TCF25: variants seen among roughly 807,000 people sequenced by gnomAD.
The protein encoded by TCF25 is TCF25 ribosome quality control complex subunit.
A neutral mutation model predicts 83.1 loss-of-function variants in TCF25; 41 were observed. The observed-to-expected ratio is 0.49, with a 90% CI of 0.38 to 0.64. The LOEUF is 0.64. Ranked by LOEUF, TCF25 falls within the 30% of genes least tolerant of loss-of-function variation. The probability of loss-of-function intolerance (pLI) is 0.00; values close to 1 mark genes in which losing one functional copy is unlikely to be tolerated. For synonymous variants in TCF25, 458 were observed against 365.0 expected (o/e 1.25, Z -2.90); for missense variants, 979 against 914.5 (o/e 1.07, Z -0.91).
At chr16:89,894,860 G>C (rs1241403293) in intron 7 of TCF25, 178 bp from the exon 8 acceptor site, 1 of 507,350 alleles carries the variant, frequency 2.0e-6, no homozygotes, top group African/African-American at 1.9e-5. Context: ...GGCCAGGCTG[G>C]TCTTGAACTC....
chr16:89,890,122 G>A (rs561855333), intron 5 of TCF25: 10 of 151,482 alleles, frequency 6.6e-5, no homozygotes, highest in South Asian at 2.1e-4. Flanking sequence ...CGCCAGTCTC[G>A]GCCTCCCAAA....
At chr16:89,875,623 C>T (rs1047136449) in intron 1 of TCF25, among the ~76,000 whole-genome samples, 71 of 147,976 alleles carry the variant, frequency 4.8e-4, no homozygotes, top group Admixed American at 7.6e-4. Context: ...CCTGGGTTCA[C>T]GCCATTCTCC....
chr16:89,910,481 C>G (rs1371797500), intron 16 of TCF25, 110 bp from the exon 17 acceptor site: 1 of 1,105,132 alleles, frequency 9.0e-7, no homozygotes, highest in Admixed American at 1.8e-5. Context: ...CCCTGGCGGC[C>G]CCTCCGTGTC....
intron 16 of TCF25, chr16:89,909,153 A>G: frequency 7.8e-7 from 1 of 1,280,240 alleles, no homozygotes; most frequent in Non-Finnish European, 1.0e-6. Flanking sequence ...GAATGTAGAA[A>G]TAAACATAAA....
chr16:89,887,514 T>C lies in TCF25; in HGVS notation c.549-138T>C, dbSNP rs1597305039. 2.2e-5 allele frequency: 16 copies of C among 714,960 alleles called. No individual in the cohort carries two copies. In the East Asian group the frequency reaches 5.9e-4, roughly 27 times the overall value. 44.3% of individuals were successfully genotyped at this position (714,960 alleles called of 1,614,324 possible). ...CTCAGCTGTGGTTGGGGTGGTGATT[T>C]TAGAGAAAGGCCTGGAAGCTGCCTT... On this transcript the variant is annotated intron_variant, in intron 4 of 17. Coordinates refer to ENST00000263346, the MANE Select transcript of TCF25 (RefSeq NM_014972.3).
At chr16:89,887,211 C>T (rs2043082203) in intron 4 of TCF25, among the ~76,000 whole-genome samples, 1 of 151,968 alleles carries the variant, frequency 6.6e-6, no homozygotes, top group South Asian at 2.1e-4. Flanking sequence ...AAAGTTCCTC[C>T]TTACCCTGTC....
chr16:89,910,184 G>C (rs1053639735), intron 16 of TCF25: 2 of 203,050 alleles, frequency 9.8e-6, no homozygotes, highest in Non-Finnish European at 2.0e-5. Context: ...GTAGCCCTTC[G>C]CACCGTGAGG....
At position 89,894,077 on chromosome 16, in the gene TCF25, C is replaced by T. The variant is rs551025982; in HGVS notation, c.828+219C>T. Among the ~76,000 whole-genome samples, 4 of 152,288 alleles carry T rather than the reference C, an allele frequency of 2.6e-5. No homozygotes were observed. In the East Asian group the frequency reaches 7.7e-4, roughly 29 times the overall value. ...GCTCCATCCATACTCAGAGGAGAGG[C>T]TGGAGCGCTGCTCTCTCAGCCGTTC... On this transcript the variant is annotated intron_variant, in intron 7 of 17. Transcript: ENST00000263346.
rs777453054 is a variant in TCF25, at chr16:89,883,375, G to C, written c.217G>C (p.Asp73His). The C allele has an allele frequency of 3.2e-5, 52 of 1,614,066 alleles. No homozygotes were observed. The East Asian group carries it at 1.2e-3, about 36-fold the overall frequency. ...GATAAACATTGACGATCTTGAGGAT[G>C]ACCCTGTGGTGAACGGGGAGAGGTC... The part of the protein sequence containing the change: ...ELINIDDLED[D>H]PVVNGERSGC... Residue 73 changes from aspartate to histidine, a missense_variant, in exon 2 of 18, where the codon GAC becomes CAC. Transcript: ENST00000263346.
chr16:89,883,450 C>T lies in TCF25; in HGVS notation c.292C>T (p.Gln98Ter). 6.2e-7 allele frequency: 1 copy of T among 1,613,900 alleles called. No homozygotes were observed. The highest frequency in any genetic ancestry group is 8.5e-7 in the Non-Finnish European group (1 of 1,179,998). Residue 98 changes from glutamine to a stop codon, truncating the protein, a stop_gained, in exon 2 of 18, where the codon CAG (glutamine) becomes TAG (stop). Transcript: ENST00000263346. LOFTEE classifies it high-confidence loss of function. The part of the protein sequence containing the change: ...AVAPGNKGRG[Q>*]RGNTESKTDG... The stretch of plus-strand genomic sequence containing the variant: ...GGCACCAGGGAACAAAGGAAGGGGT[C>T]AGCGTGGAAACACAGAGAGCAAGAC...
intron 1 of TCF25, among the ~76,000 whole-genome samples, chr16:89,875,370 A>G (rs2042099857): frequency 6.6e-6 from 1 of 151,604 alleles, no homozygotes; most frequent in Non-Finnish European, 1.5e-5. Context: ...CTTGCTATCG[A>G]TTGTCTCTAA....
At chr16:89,910,983 A>G in intron 17 of TCF25, 97 bp from the exon 18 acceptor site, 1 of 1,525,340 alleles carries the variant, frequency 6.6e-7, no homozygotes, top group South Asian at 1.2e-5. Context: ...TGCTGGGGCA[A>G]GGGCCACCTC....
chr16:89,880,468 C>G (rs534265552), intron 1 of TCF25, among the ~76,000 whole-genome samples: 1 of 152,238 alleles, frequency 6.6e-6, no homozygotes, highest in African/African-American at 2.4e-5. Context: ...CCTGTAGTCC[C>G]AGTTACTCGG....
intron 7 of TCF25, among the ~76,000 whole-genome samples, chr16:89,894,281 G>A (rs1029663742): frequency 2.5e-5 from 3 of 119,024 alleles, no homozygotes; most frequent in Non-Finnish European, 5.2e-5. Context: ...AGACAGCCCC[G>A]GACCTGGACA....
chr16:89,884,920 C>T (rs1238970771), intron 3 of TCF25, among the ~76,000 whole-genome samples: 2 of 76,900 alleles, frequency 2.6e-5, no homozygotes, highest in Admixed American at 1.2e-4. Context: ...CTCTGCCTGA[C>T]GCCCTCTCCC....
At position 89,897,842 on chromosome 16, in the gene TCF25, G is replaced by A. The variant is rs558018743; in HGVS notation, c.1023-715G>A. Among the ~76,000 whole-genome samples the A allele has an allele frequency of 5.3e-5, 8 of 152,312 alleles. No individual in the cohort carries two copies. The South Asian group carries it at 8.3e-4, about 16-fold the overall frequency. ...AACAAGATAAAGATTTCAGCGGGGC[G>A]TGGTGGCTCACGCTTGTAATCTCAG... On this transcript the variant is annotated intron_variant, in intron 9 of 17. Transcript: ENST00000263346.
rs761198208 is a variant in TCF25 at position 89,884,532 on chromosome 16, C to G, written c.355-50C>G. 5 of 1,595,146 alleles carry G rather than the reference C, an allele frequency of 3.1e-6. No individual in the cohort carries two copies. In the East Asian group the frequency reaches 1.1e-4, roughly 36 times the overall value. ...ACGCTTGCTGCTTTAATTCTCACTT[C>G]TTAAGATTTACTTCTCATTCTACTG... On this transcript the variant is annotated intron_variant, in intron 2 of 17. Transcript: ENST00000263346.
Position 89,904,956 on chromosome 16 carries a change from C to T in TCF25, c.1488C>T (p.Ser496=), listed in dbSNP as rs767482371. 5.6e-6 allele frequency: 9 copies of T among 1,607,728 alleles called. No homozygotes were observed. Among genetic ancestry groups the T allele is most frequent in the African/African-American group, 1.3e-5 (1 of 74,766 alleles). Residue 496 remains serine, a synonymous_variant, in exon 14 of 18, where the codon AGC becomes AGT. Transcript: ENST00000263346. The part of the protein sequence containing the change: ...NAEISQPPAL[S]QLVNLYLGRS... ...CCCCCAGCCAGCCCCCTGCCCTGAG[C>T]CAGCTGGTGAACCTGTACCTTGGGA...
Position 89,889,566 on chromosome 16 carries a change from TC to T in TCF25, c.614+1850del, listed in dbSNP as rs1169848081. 1.7e-3 allele frequency: 274 copies of T among 160,078 alleles called. 1 individual carries two copies. The highest frequency in any genetic ancestry group is 3.2e-3 in the Middle Eastern group (1 of 310). The allele number at this position is 160,078 out of a possible 1,614,324, so 9.9% of individuals were successfully genotyped here. On this transcript the variant is annotated intron_variant, in intron 5 of 17. Coordinates refer to ENST00000263346, the MANE Select transcript of TCF25 (RefSeq NM_014972.3). ...ACGTCTGAGTTCTTTTTTTTTTTTT[TC>T]GAGACAGAATTTTGCTCTTGTTGCC... is the stretch of plus-strand genomic sequence containing the variant.
Sources: gnomAD v4.1 joint callset for allele counts (sites outside exome capture counted in the v4.1 genomes callset) on GRCh38, gnomAD v4.1.1 for gene constraint, MANE v1.5 for transcripts, NCBI Gene and HGNC (gene_info 2026-07-23, HGNC 2026-07-21) for gene names.